The following PATJ variants were observed in gnomAD, a reference collection of about 807,000 sequenced individuals.
The protein encoded by PATJ is PATJ crumbs cell polarity complex component.
PATJ carries 190 observed loss-of-function variants against 224.9 expected under a neutral mutation model. The observed-to-expected ratio is 0.84, with a 90% CI of 0.75 to 0.95. The LOEUF is 0.95. PATJ is among the 40% of genes least tolerant of loss of function. PATJ has a pLI of 0.00. For missense variants in PATJ, 2,121 were observed against 2,270.3 expected (o/e 0.93, Z 1.34); for synonymous variants, 769 against 820.3 (o/e 0.94, Z 1.07).
intron 41 of PATJ, among the ~76,000 whole-genome samples, chr1:62,142,566 G>A (rs1315649768): frequency 6.6e-6 from 1 of 152,224 alleles, no homozygotes; most frequent in African/African-American, 2.4e-5. Flanking sequence ...TTGTGCTGAG[G>A]AGAAGCAGTC....
At chr1:61,859,570 T>G (rs1396153471) in intron 18 of PATJ, among the ~76,000 whole-genome samples, 1 of 152,014 alleles carries the variant, frequency 6.6e-6, no homozygotes, top group Non-Finnish European at 1.5e-5. Context: ...TCCCCTTCTC[T>G]CTCTCTCATA....
chr1:62,000,640 T>C (rs12737851), intron 28 of PATJ, among the ~76,000 whole-genome samples: 39,319 of 146,998 alleles, frequency 0.27, 5,870 homozygotes, highest in East Asian at 0.46. Context: ...CTATTGTGAA[T>C]AGTGCCACAA....
At chr1:61,918,126 GC>G (rs1287748118) in intron 26 of PATJ, 2 of 151,366 alleles carry the variant, frequency 1.3e-5, no homozygotes, top group African/African-American at 4.9e-5. Flanking sequence ...ACCCTATGAA[GC>G]CGTTGTGGGC....
chr1:61,796,454 A>G (rs760619945), intron 10 of PATJ, among the ~76,000 whole-genome samples: 7 of 152,212 alleles, frequency 4.6e-5, no homozygotes, highest in African/African-American at 9.6e-5. Context: ...AATGGCTTCT[A>G]TTAATACATC....
intron 27 of PATJ, among the ~76,000 whole-genome samples, chr1:61,972,395 T>C (rs1382597659): frequency 1.3e-5 from 2 of 152,042 alleles, no homozygotes; most frequent in African/African-American, 2.4e-5. Context: ...ATTTATAATA[T>C]TGCTGATGTT....
chr1:61,845,503 C>T (rs74901157), intron 17 of PATJ, among the ~76,000 whole-genome samples: 118 of 152,174 alleles, frequency 7.8e-4, no homozygotes, highest in African/African-American at 2.4e-3. Context: ...GCCTTTACTC[C>T]TCTCACCTGG....
chr1:62,089,998 T>G (rs1400350647), intron 33 of PATJ, among the ~76,000 whole-genome samples: 3 of 152,164 alleles, frequency 2.0e-5, no homozygotes, highest in African/African-American at 7.2e-5. Context: ...CAAAAGATAT[T>G]TTTGCTGTCT....
chr1:61,894,942 T>C (rs1443048964), intron 22 of PATJ, among the ~76,000 whole-genome samples: 2 of 152,126 alleles, frequency 1.3e-5, no homozygotes, highest in Non-Finnish European at 2.9e-5. Context: ...TGGTCTCAGA[T>C]GGAGATGAGG....
intron 41 of PATJ, among the ~76,000 whole-genome samples, chr1:62,137,381 G>A (rs951968487): frequency 8.1e-6 from 1 of 123,108 alleles, no homozygotes; most frequent in Non-Finnish European, 1.7e-5. Flanking sequence ...AGTGAGTTTC[G>A]TCGGAGGGGG....
chr1:62,026,484 GTGTC>G (rs777271575), intron 29 of PATJ, among the ~76,000 whole-genome samples: 189 of 69,174 alleles, frequency 2.7e-3, no homozygotes, highest in African/African-American at 5.8e-3. Context: ...GTGTGTGTGT[GTGTC>G]TGTGTGTGTG....
In PATJ at chr1:61,864,255, A is replaced by G. The variant is rs962835698; in HGVS notation, c.2457A>G (p.Pro819=). ...LEAPKGFRDE[P]YFKEELVDEP... is the part of the protein sequence containing the mutation. ...ATTTATAGGGATTTAGAGATGAACCATATTTTAAAGAAGAACTTGTGGATG... is the reference window on the plus strand; with the variant it reads ...ATTTATAGGGATTTAGAGATGAACCGTATTTTAAAGAAGAACTTGTGGATG... Residue 819 remains proline, a synonymous_variant, in exon 20 of 44, where the codon CCA becomes CCG. Transcript: ENST00000642238. 1 of 1,609,290 alleles carries G rather than the reference A, an allele frequency of 6.2e-7. No homozygotes were observed.
intron 31 of PATJ, among the ~76,000 whole-genome samples, chr1:62,074,304 A>G (rs563134202): frequency 6.6e-6 from 1 of 152,182 alleles, no homozygotes; most frequent in East Asian, 1.9e-4. Context: ...ACATGTATAC[A>G]TATGTAACAA....
chr1:62,070,964 A>G (rs1657288444), intron 31 of PATJ, among the ~76,000 whole-genome samples: 1 of 152,214 alleles, frequency 6.6e-6, no homozygotes, highest in Non-Finnish European at 1.5e-5. Context: ...TAACTTGGTC[A>G]CTATCTATTG....
intron 28 of PATJ, among the ~76,000 whole-genome samples, chr1:62,009,157 A>G (rs1646277567): frequency 6.6e-6 from 1 of 152,212 alleles, no homozygotes; most frequent in African/African-American, 2.4e-5. Flanking sequence ...TTGATCCAAA[A>G]TGAAATATCT....
Position 61,827,589 on chromosome 1 carries a change from A to AAATG in PATJ, c.1980+10_1980+13dup, listed in dbSNP as rs777182908. The AAATG allele has an allele frequency of 1.2e-5, 19 of 1,613,074 alleles. No individual in the cohort carries two copies. The highest frequency in any genetic ancestry group is 1.5e-5 in the Non-Finnish European group (18 of 1,179,504). Reference sequence around the variant, plus strand: ...CCTCTCTTCCTGAGACAGAGGTACTAAATGAATATAGTGCATTTCCCATAG... The same window carrying AAATG: ...CCTCTCTTCCTGAGACAGAGGTACTAAATGAATGAATATAGTGCATTTCCCATAG... On this transcript the variant is annotated splice_region_variant and intron_variant, in intron 16 of 43. Transcript: ENST00000642238.
rs1274374838 is a variant in PATJ at position 61,875,301 on chromosome 1, G to C, written c.2894G>C (p.Ser965Thr). 4 of 1,610,096 alleles carry C rather than the reference G, an allele frequency of 2.5e-6. No individual in the cohort carries two copies. The highest frequency in any genetic ancestry group is 2.2e-5 in the East Asian group (1 of 44,760). The change falls in exon 21 of 44, where the codon AGT becomes ACT. Residue 965 changes from serine (S) to threonine (T), a missense_variant. Physicochemically the swap from Ser to Thr is moderately conservative, Grantham distance 58. Transcript: ENST00000642238. ...TCTGTACCATCAACTGAAGGAAACA[G>C]TCAACAAGGCAGATTTGACGACCTG... ...LPSVPSTEGNSQQGRFDDLEN... is the reference protein window; with the variant it reads ...LPSVPSTEGNTQQGRFDDLEN...
chr1:62,101,601 T>G (rs1662190430), intron 33 of PATJ, among the ~76,000 whole-genome samples: 1 of 152,220 alleles, frequency 6.6e-6, no homozygotes, highest in African/African-American at 2.4e-5. Context: ...ATGAATTTGC[T>G]AGCCAGCTAC....
At chr1:62,140,236 TCA>T (rs896048709) in intron 41 of PATJ, among the ~76,000 whole-genome samples, 18 of 152,312 alleles carry the variant, frequency 1.2e-4, no homozygotes, top group Admixed American at 3.9e-4. Flanking sequence ...TTCAGTATTA[TCA>T]GTTTTTTTCA....
Position 62,049,564 on chromosome 1 carries a change from G to A in PATJ, c.4033-1402G>A, listed in dbSNP as rs879657358. Among the ~76,000 whole-genome samples the A allele has an allele frequency of 1.1e-4, 17 of 152,218 alleles. No homozygotes were observed. In the South Asian group the frequency reaches 1.2e-3, roughly 11 times the overall value. ...TAAAAGTCCAGGTAAGTACAATGTG[G>A]ATATTCCATTTGTCATCCTTATCCT... On this transcript the variant is annotated intron_variant, in intron 30 of 43. Transcript: ENST00000642238.
Sources: gnomAD v4.1 joint callset for allele counts (sites outside exome capture counted in the v4.1 genomes callset) on GRCh38, gnomAD v4.1.1 for gene constraint, MANE v1.5 for transcripts, NCBI Gene and HGNC (gene_info 2026-07-23, HGNC 2026-07-21) for gene names.